BLOC1S1: variants seen among roughly 807,000 people sequenced by gnomAD.
BLOC1S1 encodes biogenesis of lysosome-related organelles complex 1 subunit 1.
BLOC1S1 carries 11 observed loss-of-function variants against 19.0 expected under a neutral mutation model. The observed-to-expected ratio is 0.58, with a 90% confidence interval of 0.37 to 0.96. BLOC1S1 has a LOEUF of 0.96. BLOC1S1 is among the 40% of genes least tolerant of loss of function. The pLI is 0.01. For missense variants in BLOC1S1, 220 were observed against 195.9 expected, an observed-to-expected ratio of 1.12 and a Z score of -0.73; for synonymous variants, 94 against 76.4, an observed-to-expected ratio of 1.23 and a Z score of -1.20.
rs1308361446 is a variant in BLOC1S1, at chr12:55,719,553, A to G, written c.406A>G (p.Ile136Val). 2 of 1,614,092 alleles carry G rather than the reference A, an allele frequency of 1.2e-6. No homozygotes were observed. Among genetic ancestry groups the G allele is most frequent in the South Asian group, 1.1e-5 (1 of 91,070 alleles). The change falls in exon 4 of 4, where the codon ATT (isoleucine) becomes GTT (valine). Residue 136 changes from isoleucine (I) to valine (V), a missense_variant. Transcript: ENST00000548925. ...ARSIELDMRT[I>V]ATALEYVYKG... ...GAGCATCGAGCTGGACATGCGCACC[A>G]TTGCCACTGCACTGGAATATGTCTA...
intron 3 of BLOC1S1, 21 bp downstream of exon 3, chr12:55,719,244 C>T: frequency 6.2e-7 from 1 of 1,614,100 alleles, no homozygotes; most frequent in Non-Finnish European, 8.5e-7. Flanking sequence ...CTCCCTACCT[C>T]ACCACCCCAA....
intron 2 of BLOC1S1, among the ~76,000 whole-genome samples, chr12:55,718,492 ATGTGTGTG>A (rs5798357): frequency 7.3e-5 from 11 of 150,008 alleles, no homozygotes; most frequent in Non-Finnish European, 4.5e-5. Flanking sequence ...GAGGGAGAGC[ATGTGTGTG>A]TGTGTGTGTG....
intron 2 of BLOC1S1, 45 bp from the exon 3 acceptor site, chr12:55,719,046 C>A: frequency 6.3e-7 from 1 of 1,598,014 alleles, no homozygotes; most frequent in East Asian, 2.2e-5. Flanking sequence ...CGGAGACCAC[C>A]CCCAACTAGC....
chr12:55,719,171 A>G lies in BLOC1S1; in HGVS notation c.299A>G (p.Lys100Arg), dbSNP rs756388521. 1 of 1,613,936 alleles carries G rather than the reference A, an allele frequency of 6.2e-7. No individual in the cohort carries two copies. Among genetic ancestry groups the G allele is most frequent in the South Asian group, 1.1e-5 (1 of 91,076 alleles). The change falls in exon 3 of 4, where the codon AAG becomes AGG. Residue 100 changes from lysine to arginine, a missense_variant. Coordinates refer to ENST00000548925, the MANE Select transcript of BLOC1S1 (RefSeq NM_001487.4). ...TLQVQAAQFA[K>R]QTGQWIGMVE... ...CAGGTCCAGGCTGCCCAATTTGCCA[A>G]GCAGACAGGCCAGTGGATCGGAATG...
intron 2 of BLOC1S1, among the ~76,000 whole-genome samples, chr12:55,717,566 A>G (rs930993803): frequency 6.7e-6 from 1 of 148,832 alleles, no homozygotes; most frequent in African/African-American, 2.6e-5. Flanking sequence ...CTTGGGAAAA[A>G]GCAAAGAACA....
intron 3 of BLOC1S1, 125 bp downstream of exon 3, chr12:55,719,348 A>T (rs761284308): frequency 2.0e-6 from 3 of 1,518,910 alleles, no homozygotes; most frequent in South Asian, 1.1e-5. Context: ...CTATAGCCCC[A>T]GTGTCAGAAA....
chr12:55,716,322 G>T, intron 1 of BLOC1S1, 126 bp downstream of exon 1: 1 of 1,494,732 alleles, frequency 6.7e-7, no homozygotes. Context: ...GGGCATGGGG[G>T]AGAGGGAATT....
intron 1 of BLOC1S1, chr12:55,716,519 T>C (rs1392917907): frequency 2.4e-6 from 3 of 1,246,996 alleles, no homozygotes; most frequent in African/African-American, 3.2e-5. Context: ...GGAGCGACTC[T>C]GGAGGGAGGA....
chr12:55,717,896 G>T (rs993013071), intron 2 of BLOC1S1, among the ~76,000 whole-genome samples: 1 of 152,186 alleles, frequency 6.6e-6, no homozygotes, highest in African/African-American at 2.4e-5. Context: ...ATTCTCAGGG[G>T]AGTCTGTTTC....
chr12:55,716,481 T>C, intron 1 of BLOC1S1: 3 of 1,280,372 alleles, frequency 2.3e-6, no homozygotes, highest in Non-Finnish European at 3.0e-6. Context: ...CTATTGGCCC[T>C]GGGAGCCTCT....
intron 2 of BLOC1S1, 150 bp downstream of exon 2, chr12:55,717,155 G>A: frequency 3.4e-6 from 2 of 587,748 alleles, no homozygotes; most frequent in Admixed American, 8.1e-5. Context: ...TCTTTGTAGA[G>A]CAACTTGAGT....
At position 55,716,582 on chromosome 12, in the gene BLOC1S1, A is replaced by G; in HGVS notation, c.146-351A>G. On this transcript the variant is annotated intron_variant, in intron 1 of 3. Transcript: ENST00000548925. ...CTTCTTGGAGGCCTGAAACCACCGGAACGGAGGTGGGGCACTTGTTTCCTG... is the reference window on the plus strand; with the variant it reads ...CTTCTTGGAGGCCTGAAACCACCGGGACGGAGGTGGGGCACTTGTTTCCTG... 3 of 1,211,242 alleles carry G rather than the reference A, an allele frequency of 2.5e-6. No individual in the cohort carries two copies. In the South Asian group the frequency reaches 6.4e-5, roughly 26 times the overall value. The allele number at this position is 1,211,242 out of a possible 1,614,324, so 75.0% of individuals were successfully genotyped here. A position where few individuals can be genotyped will look rare whatever the true frequency, so the allele number is the denominator to read the frequency against.
intron 3 of BLOC1S1, 117 bp downstream of exon 3, chr12:55,719,340 A>T (rs762729559): frequency 6.5e-7 from 1 of 1,540,336 alleles, no homozygotes; most frequent in Non-Finnish European, 8.9e-7. Context: ...AACCCCATCT[A>T]TAGCCCCAGT....
Position 55,716,064 on chromosome 12 carries a change from A to G in BLOC1S1, c.13A>G (p.Ser5Gly). The change falls in exon 1 of 4, where the codon AGC becomes GGC. Residue 5 changes from serine (S) to glycine (G), a missense_variant. Coordinates refer to ENST00000548925, the MANE Select transcript of BLOC1S1 (RefSeq NM_001487.4). MAPG[S>G]RGERSSFRSR... is the part of the protein sequence containing the mutation. ...GCGGTCACGTGACATGGCCCCGGGG[A>G]GCCGAGGTGAGCGTTCCAGCTTCCG... 1 of 1,562,216 alleles carries G rather than the reference A, an allele frequency of 6.4e-7. No individual in the cohort carries two copies. Among genetic ancestry groups the G allele is most frequent in the Non-Finnish European group, 8.7e-7 (1 of 1,154,248 alleles).
Position 55,719,629 on chromosome 12 carries a change from C to T in BLOC1S1, c.*20C>T. 1 of 1,600,250 alleles carries T rather than the reference C, an allele frequency of 6.2e-7. No individual in the cohort carries two copies. The highest frequency in any genetic ancestry group is 8.6e-7 in the Non-Finnish European group (1 of 1,167,760). On this transcript the variant is annotated 3_prime_UTR_variant, in exon 4 of 4. Coordinates refer to ENST00000548925, the MANE Select transcript of BLOC1S1 (RefSeq NM_001487.4). The stretch of plus-strand genomic sequence containing the variant: ...TCCTAGCCCCTGTTCCCTCCCCCAA[C>T]CCTATCCCTCCTACCTCACCCGCAG...
chr12:55,718,961 C>T, intron 2 of BLOC1S1, 130 bp from the exon 3 acceptor site: 2 of 1,171,378 alleles, frequency 1.7e-6, no homozygotes, highest in Middle Eastern at 2.9e-4. Flanking sequence ...TCATTTGCAT[C>T]ACATCCAAAA....
At chr12:55,717,897 A>G (rs1210370862) in intron 2 of BLOC1S1, among the ~76,000 whole-genome samples, 1 of 152,112 alleles carries the variant, frequency 6.6e-6, no homozygotes, top group Non-Finnish European at 1.5e-5. Flanking sequence ...TTCTCAGGGG[A>G]GTCTGTTTCA....
rs1408348258 is a variant in BLOC1S1, at chr12:55,716,075, G to C, written c.24G>C (p.Glu8Asp). The change falls in exon 1 of 4, where the codon GAG (glutamate) becomes GAC (aspartate). Residue 8 changes from glutamate to aspartate, a missense_variant. Physicochemically the swap from Glu to Asp is conservative, Grantham distance 45 (BLOSUM62 2). Transcript: ENST00000548925. ...ACATGGCCCCGGGGAGCCGAGGTGA[G>C]CGTTCCAGCTTCCGGAGCCGGAGGG... MAPGSRG[E>D]RSSFRSRRGP... The C allele has an allele frequency of 1.3e-6, 2 of 1,572,332 alleles. No individual in the cohort carries two copies. Among genetic ancestry groups the C allele is most frequent in the Non-Finnish European group, 1.7e-6 (2 of 1,159,728 alleles).
chr12:55,717,021 C>G lies in BLOC1S1; in HGVS notation c.218+16C>G, dbSNP rs533082908. On this transcript the variant is annotated intron_variant, in intron 2 of 3. Coordinates refer to ENST00000548925, the MANE Select transcript of BLOC1S1 (RefSeq NM_001487.4). ...TCAATGTGGGGTATGGACCTCTTAT[C>G]AACATCAGTTTCCTCCTTCCCCACC... is the stretch of plus-strand genomic sequence containing the variant. 7 of 1,561,600 alleles carry G rather than the reference C, an allele frequency of 4.5e-6. No individual in the cohort carries two copies. In the South Asian group the frequency reaches 7.2e-5, roughly 16 times the overall value.
Sources: gnomAD v4.1 joint callset for allele counts (sites outside exome capture counted in the v4.1 genomes callset) on GRCh38, gnomAD v4.1.1 for gene constraint, MANE v1.5 for transcripts, NCBI Gene and HGNC (gene_info 2026-07-23, HGNC 2026-07-21) for gene names.